The following DYNC1I1 variants were observed in gnomAD, a reference collection of about 807,000 sequenced individuals.
DYNC1I1 encodes the protein cytoplasmic dynein 1 intermediate chain 1.
DYNC1I1 carries 43 observed loss-of-function variants against 86.6 expected under a neutral mutation model. The observed-to-expected ratio is 0.50, with a 90% confidence interval of 0.39 to 0.64. The LOEUF is 0.64. Ranked by LOEUF, DYNC1I1 falls within the 30% of genes least tolerant of loss-of-function variation. DYNC1I1 has a pLI of 0.00. For missense variants in DYNC1I1, 604 were observed against 788.8 expected (o/e 0.77, Z 2.81); for synonymous variants, 262 against 283.7 (o/e 0.92, Z 0.77).
intron 8 of DYNC1I1, among the ~76,000 whole-genome samples, chr7:95,986,023 CGT>C (rs3138829): frequency 0.01 from 1,340 of 132,654 alleles, 12 homozygotes; most frequent in Middle Eastern, 0.014. Flanking sequence ...CCTGGCAGGA[CGT>C]GTGTGTGTGT....
At chr7:95,854,153 A>C (rs891298097) in intron 5 of DYNC1I1, among the ~76,000 whole-genome samples, 1 of 152,176 alleles carries the variant, frequency 6.6e-6, no homozygotes, top group Non-Finnish European at 1.5e-5. Flanking sequence ...TAATTGATAG[A>C]TACAAATATT....
chr7:96,058,800 A>ATTTTTTTTTTTT, intron 14 of DYNC1I1, among the ~76,000 whole-genome samples: 1 of 98,746 alleles, frequency 1.0e-5, no homozygotes, highest in Non-Finnish European at 1.9e-5. Context: ...TGCCTGGCTA[A>ATTTTTTTTTTTT]TTTTTTTTTT....
At chr7:95,986,234 T>A (rs535450273) in intron 8 of DYNC1I1, among the ~76,000 whole-genome samples, 160 of 152,184 alleles carry the variant, frequency 1.1e-3, no homozygotes, top group Non-Finnish European at 2.0e-3. Flanking sequence ...TTGAAGCAAA[T>A]GAACAGAGGA....
At position 95,866,274 on chromosome 7, in the gene DYNC1I1, A is replaced by C. The variant is rs563098146; in HGVS notation, c.375-3609A>C. 8.5e-5 allele frequency among the ~76,000 whole-genome samples: 13 copies of C among 152,320 alleles called. No individual in the cohort carries two copies. The South Asian group carries it at 2.7e-3, about 32-fold the overall frequency. Reference sequence around the variant, plus strand: ...CTTTCATTATGTCCTAACAATCTAAACCAGGCTACTTCTCAATAATTCTTT... The same window carrying C: ...CTTTCATTATGTCCTAACAATCTAACCCAGGCTACTTCTCAATAATTCTTT... On this transcript the variant is annotated intron_variant, in intron 5 of 16. Transcript: ENST00000447467.
chr7:95,950,460 G>A (rs1792522607), intron 6 of DYNC1I1, among the ~76,000 whole-genome samples: 1 of 152,006 alleles, frequency 6.6e-6, no homozygotes, highest in Non-Finnish European at 1.5e-5. Context: ...CTTTAGTGTG[G>A]GATCATCAAT....
intron 10 of DYNC1I1, among the ~76,000 whole-genome samples, chr7:96,009,040 A>G (rs1323062402): frequency 1.3e-5 from 2 of 152,180 alleles, no homozygotes. Flanking sequence ...CTATTTATCT[A>G]TCTGTTTATC....
At chr7:96,106,298 C>T (rs958867892) in intron 16 of DYNC1I1, among the ~76,000 whole-genome samples, 5 of 151,916 alleles carry the variant, frequency 3.3e-5, no homozygotes, top group East Asian at 1.9e-4. Context: ...TTTGGGAGGC[C>T]GAGGCAGGTG....
chr7:95,890,905 T>A (rs551169179), intron 6 of DYNC1I1, among the ~76,000 whole-genome samples: 2 of 152,238 alleles, frequency 1.3e-5, no homozygotes, highest in African/African-American at 2.4e-5. Flanking sequence ...GAAGTAAACC[T>A]ACAAGTGATT....
intron 9 of DYNC1I1, among the ~76,000 whole-genome samples, chr7:95,992,006 C>A (rs984774900): frequency 6.6e-6 from 1 of 152,078 alleles, no homozygotes; most frequent in Non-Finnish European, 1.5e-5. Context: ...ATTACAGGAG[C>A]AAGCCACCAG....
chr7:95,790,179 G>C (rs905800472), intron 1 of DYNC1I1, among the ~76,000 whole-genome samples: 1 of 152,166 alleles, frequency 6.6e-6, no homozygotes, highest in Non-Finnish European at 1.5e-5. Flanking sequence ...GACCAATTTG[G>C]CCAGGTTTGC....
chr7:96,005,300 T>C (rs1794114125), intron 10 of DYNC1I1, among the ~76,000 whole-genome samples: 2 of 152,212 alleles, frequency 1.3e-5, no homozygotes, highest in Non-Finnish European at 2.9e-5. Flanking sequence ...TTGCTAATAA[T>C]AGCAGATAAG....
chr7:96,040,882 C>T (rs1398955236), intron 14 of DYNC1I1, among the ~76,000 whole-genome samples: 1 of 151,988 alleles, frequency 6.6e-6, no homozygotes, highest in East Asian at 1.9e-4. Flanking sequence ...ACCACCATGC[C>T]CACCTAATTT....
chr7:95,773,641 A>G (rs1228903430), intron 1 of DYNC1I1, among the ~76,000 whole-genome samples: 1 of 152,198 alleles, frequency 6.6e-6, no homozygotes, highest in East Asian at 1.9e-4. Flanking sequence ...AATCCTAGGT[A>G]AGGGGCAGGA....
At chr7:95,960,913 G>A (rs139985301) in intron 6 of DYNC1I1, among the ~76,000 whole-genome samples, 12 of 152,210 alleles carry the variant, frequency 7.9e-5, no homozygotes, top group Non-Finnish European at 1.3e-4. Context: ...TTTTAATGGT[G>A]CATAGTTATG....
downstream of DYNC1I1, among the ~76,000 whole-genome samples, chr7:96,102,598 T>G (rs1230731736): frequency 2.6e-5 from 4 of 152,148 alleles, no homozygotes; most frequent in African/African-American, 9.7e-5. Flanking sequence ...CTCTGGTGCA[T>G]CTACTAATTG....
chr7:95,808,646 G>C (rs1794758040), intron 2 of DYNC1I1, among the ~76,000 whole-genome samples: 1 of 152,136 alleles, frequency 6.6e-6, no homozygotes, highest in Non-Finnish European at 1.5e-5. Flanking sequence ...GGGTTTCCTG[G>C]CCTGTCCTCA....
chr7:96,077,901 G>A (rs867745263), intron 15 of DYNC1I1, among the ~76,000 whole-genome samples: 5 of 152,002 alleles, frequency 3.3e-5, no homozygotes, highest in Non-Finnish European at 5.9e-5. Flanking sequence ...CCACATAAGA[G>A]TTTCATAGCT....
intron 13 of DYNC1I1, 70 bp from the exon 14 acceptor site, chr7:96,039,207 G>C (rs1165943359): frequency 1.1e-5 from 17 of 1,523,562 alleles, no homozygotes; most frequent in Admixed American, 2.3e-5. Flanking sequence ...TTTTTGTTTT[G>C]TTTTGTTTTT....
At chr7:95,858,705 T>C (rs79630034) in intron 5 of DYNC1I1, among the ~76,000 whole-genome samples, 13,100 of 151,716 alleles carry the variant, frequency 0.086, 617 homozygotes, top group Non-Finnish European at 0.096. Context: ...CCATCATACA[T>C]ATGATGCATT....
Sources: allele counts gnomAD v4.1 joint callset (sites outside exome capture counted in the v4.1 genomes callset), GRCh38; gene constraint gnomAD v4.1.1; transcripts MANE v1.5; gene names NCBI Gene and HGNC (gene_info 2026-07-23, HGNC 2026-07-21).